The following DYNC2LI1 variants were observed in gnomAD, a reference collection of about 807,000 sequenced individuals.
The protein encoded by DYNC2LI1 is cytoplasmic dynein 2 light intermediate chain 1.
A neutral mutation model predicts 51.9 loss-of-function variants in DYNC2LI1; 45 were observed. The observed-to-expected ratio is 0.87, with a 90% CI of 0.68 to 1.11. DYNC2LI1 has a LOEUF of 1.11. Among genes scored for constraint, DYNC2LI1 ranks in the 50% most tolerant of loss-of-function variants. DYNC2LI1 has a pLI of 0.00. For missense variants in DYNC2LI1, 490 were observed against 417.4 expected (o/e 1.17, Z -1.51); for synonymous variants, 130 against 137.8 (o/e 0.94, Z 0.40).
chr2:43,827,946 C>T, the DYNC2LI1 span: 6 of 1,612,560 alleles, frequency 3.7e-6, no homozygotes, highest in East Asian at 2.2e-5. Context: ...AGAAGATGCC[C>T]AGACAGCAGC....
the DYNC2LI1 span, chr2:43,828,344 C>T: frequency 2.9e-5 from 17 of 593,438 alleles, no homozygotes; most frequent in Non-Finnish European, 4.9e-5. Flanking sequence ...TTTTTTAAAA[C>T]GTCCCCAGAG....
At chr2:43,792,739 A>G in intron 5 of DYNC2LI1, 1 of 1,547,626 alleles carries the variant, frequency 6.5e-7, no homozygotes, top group Non-Finnish European at 8.7e-7. Context: ...TACCTCATAT[A>G]AATGAAATCA....
chr2:43,780,504 C>T (rs1049601339), intron 2 of DYNC2LI1, among the ~76,000 whole-genome samples: 1 of 152,044 alleles, frequency 6.6e-6, no homozygotes, highest in African/African-American at 2.4e-5. Context: ...ATAGGTGGCA[C>T]TGGGGAGCAA....
At chr2:43,799,078 T>C (rs1205700991) in intron 8 of DYNC2LI1, among the ~76,000 whole-genome samples, 3 of 152,258 alleles carry the variant, frequency 2.0e-5, no homozygotes, top group East Asian at 1.9e-4. Flanking sequence ...GGTGGGAAGA[T>C]CAGTTGAGGC....
intron 5 of DYNC2LI1, among the ~76,000 whole-genome samples, chr2:43,789,933 C>G (rs926436190): frequency 6.6e-6 from 1 of 152,174 alleles, no homozygotes; most frequent in African/African-American, 2.4e-5. Context: ...AGATAGCTGA[C>G]ATTCCCCCCA....
intron 8 of DYNC2LI1, among the ~76,000 whole-genome samples, chr2:43,797,515 CTTTTTTT>C (rs557695536): frequency 9.0e-6 from 1 of 110,696 alleles, no homozygotes; most frequent in African/African-American, 3.7e-5. Context: ...AATATAACAA[CTTTTTTT>C]TTTTTTTTTT....
At chr2:43,822,758 A>G in the DYNC2LI1 span, 30 of 1,612,626 alleles carry the variant, frequency 1.9e-5, 1 homozygote, top group Non-Finnish European at 2.5e-5. Context: ...CCATGACTCC[A>G]TGGGAGCCCG....
chr2:43,796,567 C>T lies in DYNC2LI1; in HGVS notation c.577-151C>T, dbSNP rs1572712151. The T allele has an allele frequency of 8.2e-6, 5 of 611,734 alleles. No individual in the cohort carries two copies. In the East Asian group the frequency reaches 1.1e-4, roughly 14 times the overall value. The allele number at this position is 611,734 out of a possible 1,614,324, so 37.9% of individuals were successfully genotyped here. A position where few individuals can be genotyped will look rare whatever the true frequency, so the allele number is the denominator to read the frequency against. On this transcript the variant is annotated intron_variant, in intron 7 of 12. Coordinates refer to ENST00000260605, the MANE Select transcript of DYNC2LI1 (RefSeq NM_016008.4). Reference sequence around the variant, plus strand: ...AGAAGGCTGCAGCTATTGTTCAACTCTCTATGAAATAAATATCAAGGTAAT... The same window carrying T: ...AGAAGGCTGCAGCTATTGTTCAACTTTCTATGAAATAAATATCAAGGTAAT...
intron 12 of DYNC2LI1, chr2:43,805,626 A>T (rs1666223954): frequency 6.4e-6 from 1 of 156,274 alleles, no homozygotes; most frequent in South Asian, 1.9e-4. Context: ...TTTGTTTTTG[A>T]TTAGGACATT....
chr2:43,823,342 CCA>C, the DYNC2LI1 span, among the ~76,000 whole-genome samples: 1 of 147,568 alleles, frequency 6.8e-6, no homozygotes, highest in African/African-American at 2.5e-5. Context: ...CAGGCAAACC[CCA>C]CAGATGCAGA....
chr2:43,783,147 A>C (rs1237646897), intron 2 of DYNC2LI1, among the ~76,000 whole-genome samples: 1 of 152,196 alleles, frequency 6.6e-6, no homozygotes, highest in African/African-American at 2.4e-5. Context: ...CCACTTCAAC[A>C]ATTGGAATTA....
At chr2:43,810,248 A>G, downstream of DYNC2LI1, 1 of 594,336 alleles carries the variant, frequency 1.7e-6, no homozygotes, top group South Asian at 7.6e-5. Context: ...GAAATAGGAG[A>G]TGCACATTCC....
intron 5 of DYNC2LI1, among the ~76,000 whole-genome samples, chr2:43,792,223 A>T (rs115160661): frequency 0.012 from 1,863 of 152,274 alleles, 47 homozygotes; most frequent in African/African-American, 0.041. Flanking sequence ...AATAATTTTT[A>T]GAAAATTTGA....
the DYNC2LI1 span, chr2:43,822,721 G>C: frequency 6.2e-7 from 1 of 1,605,242 alleles, no homozygotes; most frequent in South Asian, 1.1e-5. Flanking sequence ...TCACCCTGGA[G>C]CTCTCCCTGC....
Position 43,783,511 on chromosome 2 carries a change from A to C in DYNC2LI1, c.127-9A>C. Reference sequence around the variant, plus strand: ...ATTAACGCAGTGTTCCTTCTTTTTTAATTTCCAGGGAAAGACTACTATTAT... The same window carrying C: ...ATTAACGCAGTGTTCCTTCTTTTTTCATTTCCAGGGAAAGACTACTATTAT... On this transcript the variant is annotated splice_polypyrimidine_tract_variant and intron_variant, in intron 2 of 12. Transcript: ENST00000260605. 1 of 1,530,710 alleles carries C rather than the reference A, an allele frequency of 6.5e-7. No individual in the cohort carries two copies. The highest frequency in any genetic ancestry group is 8.7e-7 in the Non-Finnish European group (1 of 1,143,482). 94.8% of individuals were successfully genotyped at this position (1,530,710 alleles called of 1,614,324 possible). A position where few individuals can be genotyped will look rare whatever the true frequency, so the allele number is the denominator to read the frequency against.
chr2:43,810,768 T>C (rs985568369), downstream of DYNC2LI1, among the ~76,000 whole-genome samples: 7 of 152,226 alleles, frequency 4.6e-5, no homozygotes, highest in African/African-American at 1.7e-4. Context: ...CCTCAGTCTT[T>C]AGCACACGTT....
intron 5 of DYNC2LI1, chr2:43,793,878 A>G (rs1313040102): frequency 6.5e-6 from 1 of 152,898 alleles, no homozygotes; most frequent in African/African-American, 2.4e-5. Context: ...TTTCAGAGAG[A>G]CAGAATGGTA....
the DYNC2LI1 span, chr2:43,826,290 G>A: frequency 1.9e-6 from 3 of 1,586,220 alleles, no homozygotes; most frequent in Non-Finnish European, 2.6e-6. Flanking sequence ...GTGAGCCACT[G>A]TGCCTGGCCA....
chr2:43,795,264 G>C, intron 6 of DYNC2LI1: 2 of 896,198 alleles, frequency 2.2e-6, no homozygotes, highest in Non-Finnish European at 2.7e-6. Context: ...CCAGCACTTT[G>C]GGTGGCCGAG....
Sources: gnomAD v4.1 joint callset for allele counts (sites outside exome capture counted in the v4.1 genomes callset) on GRCh38, gnomAD v4.1.1 for gene constraint, MANE v1.5 for transcripts, NCBI Gene and HGNC (gene_info 2026-07-23, HGNC 2026-07-21) for gene names.